Variants in PLXDC2 observed in about 807,000 individuals in gnomAD.
PLXDC2 encodes the protein plexin domain-containing protein 2.
A neutral mutation model predicts 68.9 loss-of-function variants in PLXDC2; 40 were observed. The observed-to-expected ratio is 0.58, with a 90% CI of 0.45 to 0.76. The LOEUF (loss-of-function observed/expected upper bound fraction) is 0.76. Among genes scored for constraint, PLXDC2 ranks in the 30% least tolerant of loss-of-function variants. The pLI, the probability that PLXDC2 is intolerant of heterozygous loss-of-function variation, is 0.00. For missense variants in PLXDC2, 644 were observed against 661.9 expected, an observed-to-expected ratio of 0.97 and a Z score of 0.30; for synonymous variants, 243 against 234.2, an observed-to-expected ratio of 1.04 and a Z score of -0.34.
At chr10:20,128,667 C>T (rs1026973583) in intron 4 of PLXDC2, among the ~76,000 whole-genome samples, 3 of 152,008 alleles carry the variant, frequency 2.0e-5, no homozygotes, top group Admixed American at 2.0e-4. Context: ...TTTACCCTAT[C>T]CCCCCACTTC....
chr10:20,189,353 T>C (rs1342811058), intron 9 of PLXDC2, among the ~76,000 whole-genome samples: 2 of 150,380 alleles, frequency 1.3e-5, no homozygotes, highest in East Asian at 2.0e-4. Flanking sequence ...TAAAGAGAAA[T>C]ACGTATTACC....
At chr10:20,249,511 C>T (rs979823366) in intron 13 of PLXDC2, among the ~76,000 whole-genome samples, 36 of 152,158 alleles carry the variant, frequency 2.4e-4, no homozygotes, top group African/African-American at 8.0e-4. Context: ...TTCCTTGGCT[C>T]ATGGTTTCTT....
chr10:20,187,757 T>C (rs1834705885), intron 9 of PLXDC2, among the ~76,000 whole-genome samples: 1 of 151,912 alleles, frequency 6.6e-6, no homozygotes, highest in African/African-American at 2.4e-5. Flanking sequence ...GGATAGCTTT[T>C]AACAAAAGTG....
intron 1 of PLXDC2, among the ~76,000 whole-genome samples, chr10:19,916,126 G>GTTTTTTTTTT (rs200823056): frequency 1.6e-5 from 2 of 125,708 alleles, no homozygotes; most frequent in Non-Finnish European, 3.3e-5. Context: ...AGGGAGTTGT[G>GTTTTTTTTTT]TTTTGTTTTG....
intron 2 of PLXDC2, among the ~76,000 whole-genome samples, chr10:20,045,667 T>G (rs1448429373): frequency 6.6e-6 from 1 of 152,124 alleles, no homozygotes; most frequent in African/African-American, 2.4e-5. Context: ...GGATTCATGT[T>G]TTGACTGGAT....
At chr10:20,003,073 A>G (rs1834969431) in intron 2 of PLXDC2, among the ~76,000 whole-genome samples, 1 of 152,124 alleles carries the variant, frequency 6.6e-6, no homozygotes, top group Non-Finnish European at 1.5e-5. Context: ...CAGAGGGTGC[A>G]TTTTAGGCAG....
At chr10:20,179,057 G>T (rs1007821880) in intron 9 of PLXDC2, among the ~76,000 whole-genome samples, 42 of 152,096 alleles carry the variant, frequency 2.8e-4, no homozygotes, top group African/African-American at 9.7e-4. Flanking sequence ...GGAATCTAAA[G>T]AGACGGCATT....
chr10:20,033,844 T>C (rs553379518), intron 2 of PLXDC2, among the ~76,000 whole-genome samples: 7 of 152,288 alleles, frequency 4.6e-5, no homozygotes, highest in African/African-American at 1.7e-4. Flanking sequence ...AAAAAATTAA[T>C]TTGCTTTAAA....
chr10:19,821,190 C>T (rs961548992), intron 1 of PLXDC2, among the ~76,000 whole-genome samples: 2 of 152,326 alleles, frequency 1.3e-5, no homozygotes, highest in East Asian at 3.9e-4. Flanking sequence ...AAGGCCATTG[C>T]CTGTGGCCTC....
chr10:20,156,326 T>A (rs1834217077), intron 6 of PLXDC2, among the ~76,000 whole-genome samples: 1 of 152,214 alleles, frequency 6.6e-6, no homozygotes, highest in South Asian at 2.1e-4. Context: ...ACTCTGTGTA[T>A]GTTTTTATGT....
At chr10:19,884,641 ATGATT>A (rs1269613138) in intron 1 of PLXDC2, among the ~76,000 whole-genome samples, 1 of 152,126 alleles carries the variant, frequency 6.6e-6, no homozygotes, top group South Asian at 2.1e-4. Context: ...ACTGAGAATG[ATGATT>A]TCCAATTTCA....
At chr10:20,102,301 A>C (rs780240130) in intron 4 of PLXDC2, among the ~76,000 whole-genome samples, 1 of 152,232 alleles carries the variant, frequency 6.6e-6, no homozygotes, top group African/African-American at 2.4e-5. Flanking sequence ...ATTTTGATTT[A>C]GATAACTCGG....
chr10:20,027,349 A>G (rs1298747027), intron 2 of PLXDC2, among the ~76,000 whole-genome samples: 1 of 152,084 alleles, frequency 6.6e-6, no homozygotes, highest in Non-Finnish European at 1.5e-5. Context: ...AAAGGGTGTG[A>G]ATCACTGGAT....
At chr10:20,029,423 G>A (rs985878182) in intron 2 of PLXDC2, among the ~76,000 whole-genome samples, 3 of 151,930 alleles carry the variant, frequency 2.0e-5, no homozygotes, top group African/African-American at 2.4e-5. Flanking sequence ...AAAAATAGGC[G>A]ATTTGACGGC....
chr10:19,965,460 C>A (rs1033642391), intron 1 of PLXDC2, among the ~76,000 whole-genome samples: 2 of 152,140 alleles, frequency 1.3e-5, no homozygotes, highest in African/African-American at 4.8e-5. Flanking sequence ...AAAGAAATCA[C>A]CTTTTAATAT....
intron 2 of PLXDC2, among the ~76,000 whole-genome samples, chr10:20,025,423 TG>T (rs551943768): frequency 1.0e-3 from 152 of 152,056 alleles, no homozygotes; most frequent in African/African-American, 3.4e-3. Context: ...CCACCATGCC[TG>T]GCTAATTTTT....
intron 4 of PLXDC2, among the ~76,000 whole-genome samples, chr10:20,074,678 T>C (rs1338867439): frequency 2.6e-5 from 4 of 152,196 alleles, no homozygotes; most frequent in Non-Finnish European, 5.9e-5. Context: ...TATTTCATAC[T>C]CTTTATAGGG....
intron 2 of PLXDC2, among the ~76,000 whole-genome samples, chr10:20,002,260 CT>C (rs34210865): frequency 0.16 from 22,051 of 138,256 alleles, 1,850 homozygotes; most frequent in Non-Finnish European, 0.22. Context: ...TGTGTAAGAG[CT>C]TTTTTTTTTT....
chr10:20,170,905 C>T (rs187203491), intron 7 of PLXDC2, among the ~76,000 whole-genome samples: 17 of 151,686 alleles, frequency 1.1e-4, no homozygotes, highest in Middle Eastern at 3.4e-3. Flanking sequence ...GTAATATTTA[C>T]GTAAACATTA....
Sources: gnomAD v4.1 joint callset for allele counts (sites outside exome capture counted in the v4.1 genomes callset) on GRCh38, gnomAD v4.1.1 for gene constraint, MANE v1.5 for transcripts, NCBI Gene and HGNC (gene_info 2026-07-23, HGNC 2026-07-21) for gene names.